Variants in GRM5 observed in about 807,000 individuals in gnomAD.
The protein encoded by GRM5 is glutamate metabotropic receptor 5.
In GRM5, 19 loss-of-function variants were observed where a neutral mutation model predicts 83.1. The ratio of observed to expected loss-of-function variants is 0.23; its 90% CI spans 0.16 to 0.34. The LOEUF is 0.34. Among genes scored for constraint, GRM5 ranks in the 10% least tolerant of loss-of-function variants. The pLI is 1.00. For missense variants in GRM5, 1,160 were observed against 1,588.3 expected (o/e 0.73, Z 4.58); for synonymous variants, 675 against 633.6 (o/e 1.07, Z -0.98).
chr11:88,746,214 T>C (rs1942138009), intron 3 of GRM5, among the ~76,000 whole-genome samples: 1 of 152,244 alleles, frequency 6.6e-6, no homozygotes, highest in Non-Finnish European at 1.5e-5. Context: ...AGGAATAGCA[T>C]CATCATTATT....
chr11:88,657,996 CA>C (rs1939808237), intron 3 of GRM5, among the ~76,000 whole-genome samples: 2 of 152,168 alleles, frequency 1.3e-5, no homozygotes, highest in Admixed American at 1.3e-4. Flanking sequence ...CAGGAGTCCC[CA>C]AACCCCAGGT....
At chr11:88,517,134 C>CAT (rs1384005519) in intron 9 of GRM5, among the ~76,000 whole-genome samples, 29 of 109,296 alleles carry the variant, frequency 2.7e-4, no homozygotes, top group African/African-American at 7.9e-4. Context: ...TCTGTACACA[C>CAT]ACACACACAC....
chr11:88,962,371 T>C (rs556946316), intron 2 of GRM5, among the ~76,000 whole-genome samples: 2 of 152,300 alleles, frequency 1.3e-5, no homozygotes, highest in South Asian at 4.1e-4. Flanking sequence ...TGTCTTCCAT[T>C]CCACCACTCT....
At chr11:89,023,121 G>A (rs1351742112) in intron 2 of GRM5, among the ~76,000 whole-genome samples, 1 of 150,300 alleles carries the variant, frequency 6.7e-6, no homozygotes, top group African/African-American at 2.5e-5. Context: ...TATGGGGCAT[G>A]AATGAAGTAT....
At chr11:88,522,720 C>T (rs1365865031) in intron 9 of GRM5, among the ~76,000 whole-genome samples, 2 of 151,770 alleles carry the variant, frequency 1.3e-5, no homozygotes, top group African/African-American at 4.8e-5. Flanking sequence ...CCAATTAACT[C>T]TGCTTATCTG....
intron 3 of GRM5, among the ~76,000 whole-genome samples, chr11:88,838,487 C>G (rs1338084352): frequency 6.6e-6 from 1 of 152,130 alleles, no homozygotes; most frequent in Non-Finnish European, 1.5e-5. Flanking sequence ...TCAGTCCTGT[C>G]TGTGACTGTG....
chr11:88,993,535 T>C (rs1940066438), intron 2 of GRM5, among the ~76,000 whole-genome samples: 1 of 152,170 alleles, frequency 6.6e-6, no homozygotes. Flanking sequence ...ATGTGATGCC[T>C]CCAGCTTTGA....
chr11:89,006,277 A>G (rs1381486535), intron 2 of GRM5, among the ~76,000 whole-genome samples: 1 of 152,196 alleles, frequency 6.6e-6, no homozygotes, highest in Non-Finnish European at 1.5e-5. Context: ...GAGATTCATA[A>G]TATCTACCCT....
intron 3 of GRM5, among the ~76,000 whole-genome samples, chr11:88,728,949 T>C (rs1029665214): frequency 1.3e-5 from 2 of 152,162 alleles, no homozygotes; most frequent in Admixed American, 6.5e-5. Context: ...AGCATTCCCT[T>C]TGAAAACCAG....
At chr11:88,562,820 T>A (rs902021121) in intron 8 of GRM5, among the ~76,000 whole-genome samples, 1 of 152,172 alleles carries the variant, frequency 6.6e-6, no homozygotes, top group Non-Finnish European at 1.5e-5. Context: ...CACTTTCCCA[T>A]ATTCTCTTAT....
intron 3 of GRM5, among the ~76,000 whole-genome samples, chr11:88,761,773 CAG>C (rs1364983306): frequency 6.6e-6 from 1 of 151,856 alleles, no homozygotes; most frequent in Non-Finnish European, 1.5e-5. Flanking sequence ...GGAACAAAGC[CAG>C]AGACATCACA....
At chr11:89,012,221 G>C (rs1940720747) in intron 2 of GRM5, among the ~76,000 whole-genome samples, 2 of 152,310 alleles carry the variant, frequency 1.3e-5, no homozygotes, top group South Asian at 4.1e-4. Context: ...CAAAGTAAGA[G>C]TAGACTTTTT....
chr11:88,668,758 C>T (rs143041585), intron 3 of GRM5, among the ~76,000 whole-genome samples: 2 of 152,266 alleles, frequency 1.3e-5, no homozygotes, highest in East Asian at 3.9e-4. Context: ...AGAACTTATT[C>T]GTCTTGCAGA....
intron 3 of GRM5, among the ~76,000 whole-genome samples, chr11:88,761,862 A>G (rs1942524734): frequency 7.2e-6 from 1 of 139,800 alleles, no homozygotes. Context: ...ACATAGATCA[A>G]CAGAACATAA....
At chr11:88,623,625 G>A (rs968784809) in intron 4 of GRM5, among the ~76,000 whole-genome samples, 2 of 152,282 alleles carry the variant, frequency 1.3e-5, no homozygotes, top group Non-Finnish European at 2.9e-5. Context: ...TGACTGCCAA[G>A]CAATGGGAAT....
At chr11:88,771,864 A>G (rs1357687314) in intron 3 of GRM5, among the ~76,000 whole-genome samples, 1 of 152,126 alleles carries the variant, frequency 6.6e-6, no homozygotes, top group East Asian at 1.9e-4. Context: ...ATCTCCCTGA[A>G]CATCTCCCTC....
At chr11:88,677,866 A>T (rs1940374809) in intron 3 of GRM5, among the ~76,000 whole-genome samples, 1 of 152,180 alleles carries the variant, frequency 6.6e-6, no homozygotes, top group Admixed American at 6.6e-5. Flanking sequence ...TTTTAGCTTG[A>T]TAATGCATAT....
At chr11:88,581,049 A>C (rs940756450) in intron 7 of GRM5, among the ~76,000 whole-genome samples, 6 of 152,188 alleles carry the variant, frequency 3.9e-5, no homozygotes, top group African/African-American at 1.4e-4. Context: ...CGGAGGTTGC[A>C]GTGAGCTGAG....
rs191107118 is a variant in GRM5, at chr11:88,854,433, C to T, written c.662-4278G>A. ...GAGGACCCCAGTTTTTTCCTCAGATCGTAACAGATTTTAATAATTCAACCT... is the reference window on the plus strand; with the variant it reads ...GAGGACCCCAGTTTTTTCCTCAGATTGTAACAGATTTTAATAATTCAACCT... On this transcript the variant is annotated intron_variant, in intron 2 of 9. Coordinates refer to ENST00000305447, the MANE Select transcript of GRM5 (RefSeq NM_001143831.3). 2.8e-3 allele frequency among the ~76,000 whole-genome samples: 422 copies of T among 151,894 alleles called. 3 individuals are homozygous for T. Among genetic ancestry groups the T allele is most frequent in the African/African-American group, 9.7e-3 (404 of 41,474 alleles).
Sources: allele counts gnomAD v4.1 joint callset (sites outside exome capture counted in the v4.1 genomes callset), GRCh38; gene constraint gnomAD v4.1.1; transcripts MANE v1.5; gene names NCBI Gene and HGNC (gene_info 2026-07-23, HGNC 2026-07-21).